The following SPTLC3 variants were observed in gnomAD, a reference collection of about 807,000 sequenced individuals.
SPTLC3 encodes serine palmitoyltransferase long chain base subunit 3.
A neutral mutation model predicts 59.3 loss-of-function variants in SPTLC3; 36 were observed. The observed-to-expected ratio is 0.61, with a 90% confidence interval of 0.47 to 0.80. SPTLC3 has a LOEUF of 0.80. SPTLC3 is among the 30% of genes least tolerant of loss of function. SPTLC3 has a pLI of 0.00. For missense variants in SPTLC3, 625 were observed against 685.1 expected (o/e 0.91, Z 0.98); for synonymous variants, 257 against 240.8 (o/e 1.07, Z -0.62).
intron 1 of SPTLC3, among the ~76,000 whole-genome samples, chr20:13,010,740 G>A (rs750256190): frequency 6.6e-6 from 1 of 152,192 alleles, no homozygotes; most frequent in African/African-American, 2.4e-5. Flanking sequence ...TAACTCACAA[G>A]CTATTCATCT....
chr20:13,147,093 A>G (rs1259379312), intron 9 of SPTLC3, among the ~76,000 whole-genome samples: 1 of 152,130 alleles, frequency 6.6e-6, no homozygotes, highest in Admixed American at 6.5e-5. Context: ...AGCCCTCGAA[A>G]TCAGGCCATG....
chr20:13,038,045 AAT>A (rs74181398), intron 1 of SPTLC3, among the ~76,000 whole-genome samples: 6 of 139,570 alleles, frequency 4.3e-5, no homozygotes, highest in Admixed American at 7.0e-5. Flanking sequence ...GAAAATCATG[AAT>A]ATATATATAT....
rs148155057 is a variant in SPTLC3, at chr20:13,087,079, A to C, written c.608-4004A>C. 3.6e-3 allele frequency among the ~76,000 whole-genome samples: 555 copies of C among 152,292 alleles called. 5 individuals carry two copies. The highest frequency in any genetic ancestry group is 0.013 in the African/African-American group (521 of 41,568). The stretch of plus-strand genomic sequence containing the variant: ...CCAAAGTGCTGGGATTATAGGCATG[A>C]GCCACTGTGCCTAGCCTCCTCCCCG... On this transcript the variant is annotated intron_variant, in intron 4 of 11. Transcript: ENST00000399002.
At chr20:13,164,404 C>A (rs1453393560) in intron 11 of SPTLC3, 1 of 479,302 alleles carries the variant, frequency 2.1e-6, no homozygotes, top group East Asian at 6.7e-5. Flanking sequence ...ATTCTGCAAC[C>A]TTATCTTTTT....
Position 13,074,495 on chromosome 20 carries a change from T to C in SPTLC3, c.605T>C (p.Met202Thr). ...GTGVASTRHE[M>T]GTLDKHKELE... is the part of the protein sequence containing the mutation. ...GGCGTGGCCAGCACCAGGCATGAAA[T>C]GGGTATGTACATTCACTGTTTTGAA... The change falls in exon 4 of 12, where the codon ATG (methionine) becomes ACG (threonine). Residue 202 changes from methionine to threonine, a missense_variant and splice_region_variant. Transcript: ENST00000399002. The C allele has an allele frequency of 1.2e-6, 2 of 1,613,060 alleles. No individual in the cohort carries two copies. The highest frequency in any genetic ancestry group is 1.1e-5 in the South Asian group (1 of 90,882).
chr20:13,069,434 T>C (rs1193247409), intron 2 of SPTLC3, among the ~76,000 whole-genome samples: 1 of 152,194 alleles, frequency 6.6e-6, no homozygotes, highest in Non-Finnish European at 1.5e-5. Flanking sequence ...TGAAGGGGTA[T>C]AGTTTCAGGA....
intron 2 of SPTLC3, among the ~76,000 whole-genome samples, chr20:13,065,498 C>CA (rs1179430150): frequency 2.0e-5 from 3 of 151,462 alleles, no homozygotes; most frequent in Non-Finnish European, 4.4e-5. Context: ...GATTGAAATA[C>CA]AAAAAAAGTT....
At chr20:13,068,461 G>A (rs1221062589) in intron 2 of SPTLC3, among the ~76,000 whole-genome samples, 2 of 152,152 alleles carry the variant, frequency 1.3e-5, no homozygotes, top group Non-Finnish European at 2.9e-5. Flanking sequence ...AAGCTTCTCT[G>A]GGACTAGAGG....
intron 1 of SPTLC3, among the ~76,000 whole-genome samples, chr20:13,046,827 G>T (rs1171608486): frequency 6.6e-6 from 1 of 152,160 alleles, no homozygotes; most frequent in Non-Finnish European, 1.5e-5. Flanking sequence ...CATGTTGCTT[G>T]CTCAGGGAAG....
At chr20:13,044,285 A>G in intron 1 of SPTLC3, among the ~76,000 whole-genome samples, 1 of 151,944 alleles carries the variant, frequency 6.6e-6, no homozygotes, top group East Asian at 1.9e-4. Flanking sequence ...ATTTTTTAGT[A>G]GAGACAGAGT....
intron 1 of SPTLC3, among the ~76,000 whole-genome samples, chr20:13,042,936 C>T (rs1208940301): frequency 6.6e-6 from 1 of 152,126 alleles, no homozygotes; most frequent in African/African-American, 2.4e-5. Flanking sequence ...ATCTCTGAGG[C>T]TCTTTATGCC....
intron 11 of SPTLC3, chr20:13,164,460 T>C: frequency 1.9e-6 from 1 of 519,252 alleles, no homozygotes; most frequent in Non-Finnish European, 3.8e-6. Context: ...AAATAAAACC[T>C]TTTAAGGGTA....
At chr20:13,020,684 C>T (rs1985835138) in intron 1 of SPTLC3, among the ~76,000 whole-genome samples, 1 of 152,166 alleles carries the variant, frequency 6.6e-6, no homozygotes, top group African/African-American at 2.4e-5. Flanking sequence ...CACTCCCGCA[C>T]CCCTTAGGAT....
At chr20:13,011,389 G>A (rs888617739) in intron 1 of SPTLC3, among the ~76,000 whole-genome samples, 7 of 152,238 alleles carry the variant, frequency 4.6e-5, no homozygotes, top group Admixed American at 1.3e-4. Flanking sequence ...GTCTTCTGCC[G>A]CAGCATCTAA....
At chr20:13,010,192 C>A (rs534217651) in intron 1 of SPTLC3, among the ~76,000 whole-genome samples, 3 of 152,070 alleles carry the variant, frequency 2.0e-5, no homozygotes, top group African/African-American at 7.2e-5. Flanking sequence ...CAGGACATCC[C>A]GTGTCACTCT....
At chr20:13,029,411 A>G (rs1017780184) in intron 1 of SPTLC3, among the ~76,000 whole-genome samples, 4 of 152,196 alleles carry the variant, frequency 2.6e-5, no homozygotes, top group African/African-American at 4.8e-5. Flanking sequence ...CTCAGGAGCT[A>G]TGATGGCTAA....
At chr20:13,030,984 G>A in intron 1 of SPTLC3, among the ~76,000 whole-genome samples, 1 of 152,150 alleles carries the variant, frequency 6.6e-6, no homozygotes, top group Admixed American at 6.5e-5. Flanking sequence ...TCCAGACCAA[G>A]GGTTGGCAGC....
intron 3 of SPTLC3, 138 bp downstream of exon 3, chr20:13,072,548 T>A: frequency 1.1e-6 from 1 of 924,350 alleles, no homozygotes; most frequent in Non-Finnish European, 1.6e-6. Context: ...TTGCAAGCCC[T>A]CCTGATGCCA....
chr20:13,102,858 G>T (rs533902498), intron 6 of SPTLC3, among the ~76,000 whole-genome samples: 1 of 152,084 alleles, frequency 6.6e-6, no homozygotes, highest in Non-Finnish European at 1.5e-5. Context: ...TGGTTTCTAG[G>T]TTCTGCCTGT....
Sources: gnomAD v4.1 joint callset for allele counts (sites outside exome capture counted in the v4.1 genomes callset) on GRCh38, gnomAD v4.1.1 for gene constraint, MANE v1.5 for transcripts, NCBI Gene and HGNC (gene_info 2026-07-23, HGNC 2026-07-21) for gene names.